Variants in TOP1MT observed in about 807,000 individuals in gnomAD.
The protein encoded by TOP1MT is DNA topoisomerase I, mitochondrial.
In TOP1MT, 80 loss-of-function variants were observed where a neutral mutation model predicts 73.9. The ratio of observed to expected loss-of-function variants is 1.08; its 90% CI spans 0.90 to 1.30. The LOEUF is 1.30. Among genes scored for constraint, TOP1MT ranks in the 50% most tolerant of loss-of-function variants. The pLI is 0.00. For missense variants in TOP1MT, 815 were observed against 808.0 expected (o/e 1.01, Z -0.10); for synonymous variants, 338 against 326.4 (o/e 1.04, Z -0.38).
chr8:143,329,882 T>C (rs1324987721), intron 2 of TOP1MT, among the ~76,000 whole-genome samples: 2 of 152,228 alleles, frequency 1.3e-5, no homozygotes, highest in Admixed American at 1.3e-4. Flanking sequence ...CTTTTACAAC[T>C]CTGCGGCCTC....
rs1816705404 is a variant in TOP1MT, at chr8:143,326,300, C to T, written c.405G>A (p.Lys135=). Residue 135 remains lysine, a synonymous_variant, in exon 4 of 14, where the codon AAG becomes AAA. Coordinates refer to ENST00000329245, the MANE Select transcript of TOP1MT (RefSeq NM_052963.3). ...ATCTGTGGATCTCCGTGAAGTCACA[C>T]TTGTCCAGGCTCTTGATGACTTCCC... is the stretch of plus-strand genomic sequence containing the variant. ...EEREVIKSLD[K]CDFTEIHRYF... The T allele has an allele frequency of 1.2e-6, 2 of 1,613,948 alleles. No individual in the cohort carries two copies. Among genetic ancestry groups the T allele is most frequent in the African/African-American group, 1.3e-5 (1 of 74,944 alleles).
chr8:143,334,744 C>T lies in TOP1MT; in HGVS notation c.118G>A (p.Ala40Thr), dbSNP rs757497537. 2.5e-6 allele frequency: 4 copies of T among 1,600,744 alleles called. No homozygotes were observed. Among genetic ancestry groups the T allele is most frequent in the Non-Finnish European group, 2.6e-6 (3 of 1,174,794 alleles). ...GSRRTQKGSG[A>T]RWEKEKHEDG... ...CTGCTCACTGGGACACCTTACCTGG[C>T]TCCACTGCCCTTCTGCGTCCTGCGC... is the stretch of plus-strand genomic sequence containing the variant. The change falls in exon 1 of 14, where the codon GCC (alanine) becomes ACC (threonine). Residue 40 changes from alanine to threonine, a missense_variant. Transcript: ENST00000329245.
chr8:143,336,204 G>C (rs1816979181), upstream of TOP1MT, among the ~76,000 whole-genome samples: 1 of 152,192 alleles, frequency 6.6e-6, no homozygotes, highest in African/African-American at 2.4e-5. Context: ...GTCTCCCTAT[G>C]TTGCCCCGGC....
intron 1 of TOP1MT, chr8:143,355,352 G>A (rs1817390961): frequency 6.6e-6 from 1 of 152,218 alleles, no homozygotes; most frequent in Non-Finnish European, 1.5e-5. Flanking sequence ...ATGGATGCAT[G>A]CAGCCTGCCA....
chr8:143,342,277 TAGAG>T (rs1233336521), intron 2 of TOP1MT, among the ~76,000 whole-genome samples: 1 of 140,906 alleles, frequency 7.1e-6, no homozygotes, highest in Non-Finnish European at 1.5e-5. Context: ...TTATTATTAT[TAGAG>T]ACAGAGTCTC....
intron 7 of TOP1MT, among the ~76,000 whole-genome samples, chr8:143,322,693 C>CCA (rs1554620384): frequency 1.5e-4 from 6 of 40,400 alleles, no homozygotes; most frequent in African/African-American, 5.7e-4. Flanking sequence ...CACACGCACG[C>CCA]CACACGCACG....
intron 3 of TOP1MT, among the ~76,000 whole-genome samples, chr8:143,327,151 C>G (rs1330732405): frequency 1.3e-5 from 2 of 152,186 alleles, no homozygotes; most frequent in African/African-American, 4.8e-5. Flanking sequence ...TTTTGGAAAG[C>G]ACAGCAGAAA....
intron 2 of TOP1MT, among the ~76,000 whole-genome samples, chr8:143,342,848 G>A (rs1301035232): frequency 1.3e-5 from 2 of 148,438 alleles, no homozygotes; most frequent in East Asian, 3.9e-4. Flanking sequence ...GCAGTGGCGT[G>A]ATCTCGGCTC....
At chr8:143,322,755 G>GCACGCACA (rs1816521140) in intron 7 of TOP1MT, among the ~76,000 whole-genome samples, 1 of 13,694 alleles carries the variant, frequency 7.3e-5, no homozygotes, top group African/African-American at 4.7e-4. Flanking sequence ...ACGCACGCAC[G>GCACGCACA]CCACACACGC....
upstream of TOP1MT, among the ~76,000 whole-genome samples, chr8:143,356,698 A>G (rs1182104510): frequency 2.0e-5 from 3 of 149,532 alleles, no homozygotes; most frequent in Non-Finnish European, 3.0e-5. Context: ...AGGCAGGAGA[A>G]TAGATTGAAC....
At chr8:143,353,960 T>C (rs1563775624) in intron 1 of TOP1MT, among the ~76,000 whole-genome samples, 1 of 29,512 alleles carries the variant, frequency 3.4e-5, no homozygotes, top group African/African-American at 2.7e-4. Flanking sequence ...AGAGACTCCA[T>C]CCCAAAAAAA....
At chr8:143,332,980 G>C (rs1235320688) in intron 1 of TOP1MT, among the ~76,000 whole-genome samples, 2 of 152,198 alleles carry the variant, frequency 1.3e-5, no homozygotes, top group African/African-American at 4.8e-5. Context: ...ACAGGTTTTA[G>C]GAGTTCAAGA....
Position 143,323,937 on chromosome 8 carries a change from C to T in TOP1MT, c.960+62G>A, listed in dbSNP as rs1182367417. The T allele has an allele frequency of 2.5e-6, 4 of 1,596,644 alleles. No individual in the cohort carries two copies. The African/African-American group carries it at 5.4e-5, about 21-fold the overall frequency. On this transcript the variant is annotated intron_variant, in intron 7 of 13. Transcript: ENST00000329245. Reference sequence around the variant, plus strand: ...CACGTCGCCACACTGCACCATCCAACTGGGAGTCCTCGCCAGGAGAACCAG... The same window carrying T: ...CACGTCGCCACACTGCACCATCCAATTGGGAGTCCTCGCCAGGAGAACCAG...
At chr8:143,347,247 T>A, upstream of TOP1MT, among the ~76,000 whole-genome samples, 1 of 152,254 alleles carries the variant, frequency 6.6e-6, no homozygotes, top group South Asian at 2.1e-4. Context: ...TTCTGCCTCC[T>A]GGGTTCACGC....
At chr8:143,354,031 G>C (rs1190846875) in intron 1 of TOP1MT, among the ~76,000 whole-genome samples, 1 of 143,288 alleles carries the variant, frequency 7.0e-6, no homozygotes, top group Non-Finnish European at 1.5e-5. Context: ...AATTACCACA[G>C]GAGCCAGAAA....
chr8:143,329,555 C>G lies in TOP1MT; in HGVS notation c.239-84G>C. ...GACATGACCTCATTGCTTTAAACTACGCTTTCGTGCGTACTATGCCAAGAG... is the reference window on the plus strand; with the variant it reads ...GACATGACCTCATTGCTTTAAACTAGGCTTTCGTGCGTACTATGCCAAGAG... On this transcript the variant is annotated intron_variant, in intron 2 of 13. Transcript: ENST00000329245. 3 of 1,493,522 alleles carry G rather than the reference C, an allele frequency of 2.0e-6. 1 individual carries two copies. The highest frequency in any genetic ancestry group is 2.5e-5 in the South Asian group (2 of 80,884). 92.5% of individuals were successfully genotyped at this position (1,493,522 alleles called of 1,614,324 possible). A position where few individuals can be genotyped will look rare whatever the true frequency, so the allele number is the denominator to read the frequency against.
At chr8:143,349,482 G>A (rs2130452996), upstream of TOP1MT, among the ~76,000 whole-genome samples, 1 of 152,234 alleles carries the variant, frequency 6.6e-6, no homozygotes, top group East Asian at 1.9e-4. Context: ...GTGCCAATGT[G>A]TTTTCTTTCA....
In TOP1MT at chr8:143,317,784, C is replaced by T; in HGVS notation, c.1269G>A (p.Lys423=). 1 of 1,614,200 alleles carries T rather than the reference C, an allele frequency of 6.2e-7. No individual in the cohort carries two copies. Among genetic ancestry groups the T allele is most frequent in the Non-Finnish European group, 8.5e-7 (1 of 1,180,038 alleles). ...LQELMDGLTA[K]VFRTYNASIT... is the part of the protein sequence containing the mutation. ...TGGAGGCGTTGTAGGTCCGGAACAC[C>T]TTGGCCGTCAGCCCGTCCATCAGCT... The change falls in exon 10 of 14, where the codon AAG becomes AAA. Residue 423 remains lysine (K), a synonymous_variant. Coordinates refer to ENST00000329245, the MANE Select transcript of TOP1MT (RefSeq NM_052963.3).
Position 143,321,414 on chromosome 8 carries a change from G to A in TOP1MT, c.961-28C>T, listed in dbSNP as rs371126453. The A allele has an allele frequency of 5.7e-4, 880 of 1,552,800 alleles. 7 individuals are homozygous for A. In the South Asian group the frequency reaches 6.1e-3, roughly 11 times the overall value. ...AGTTGGTGGGGAATGGTCAAAGTGG[G>A]TGGTGCGTGCACACGCACGCCACAC... On this transcript the variant is annotated intron_variant, in intron 7 of 13. Coordinates refer to ENST00000329245, the MANE Select transcript of TOP1MT (RefSeq NM_052963.3).
Sources: gnomAD v4.1 joint callset for allele counts (sites outside exome capture counted in the v4.1 genomes callset) on GRCh38, gnomAD v4.1.1 for gene constraint, MANE v1.5 for transcripts, NCBI Gene and HGNC (gene_info 2026-07-23, HGNC 2026-07-21) for gene names.